TRIM3: variants seen among roughly 807,000 people sequenced by gnomAD.
TRIM3 encodes tripartite motif containing 3, also known as tripartite motif-containing protein 3.
In TRIM3, 13 loss-of-function variants were observed where a neutral mutation model predicts 66.6. The observed-to-expected ratio is 0.20, with a 90% confidence interval of 0.13 to 0.31. The LOEUF is 0.31. TRIM3 is among the 10% of genes least tolerant of loss of function. The probability of loss-of-function intolerance (pLI) is 1.00; values close to 1 mark genes in which losing one functional copy is unlikely to be tolerated. For missense variants in TRIM3, 711 were observed against 1,020.4 expected (o/e 0.70, Z 4.13); for synonymous variants, 406 against 411.7 (o/e 0.99, Z 0.17).
chr11:6,456,979 G>T lies in TRIM3; in HGVS notation c.747C>A (p.Gly249=). 1 of 1,606,352 alleles carries T rather than the reference G, an allele frequency of 6.2e-7. No individual in the cohort carries two copies. Residue 249 remains glycine, a synonymous_variant, in exon 6 of 12, where the codon GGC becomes GGA. Coordinates refer to ENST00000345851, the MANE Select transcript of TRIM3 (RefSeq NM_033278.4). This position sits in a 1 kb window ranked among gnomAD's most constrained non-coding sequence, Gnocchi z 6.4. The part of the protein sequence containing the change: ...DTLRQGQEHI[G]SSCSFAEQAL... ...CCTGCTCTGCAAAGCTGCAGCTACT[G>T]CCGATGTGTTCCTGACCCTGGCGCA...
At chr11:6,464,607 A>C (rs1027839873) in intron 2 of TRIM3, among the ~76,000 whole-genome samples, 10 of 152,186 alleles carry the variant, frequency 6.6e-5, no homozygotes, top group African/African-American at 2.4e-4. Context: ...TGGATACCTT[A>C]AATACCCTAC....
rs1159888041 is a variant in TRIM3 at position 6,458,480 on chromosome 11, GT to G, written c.132-185del. 2.7e-5 allele frequency: 16 copies of G among 591,444 alleles called. No individual in the cohort carries two copies. The highest frequency in any genetic ancestry group is 4.5e-5 in the Non-Finnish European group (15 of 331,940). 36.6% of individuals were successfully genotyped at this position (591,444 alleles called of 1,614,324 possible). On this transcript the variant is annotated intron_variant, in intron 2 of 11. Transcript: ENST00000345851. This position sits in a 1 kb window ranked among gnomAD's most constrained non-coding sequence, Gnocchi z 6.2. ...TAATGGCCTTGCCCCTTACAACTGAGTAGGAACACACCCCGACCCCTCTCAG... is the reference window on the plus strand; with the variant it reads ...TAATGGCCTTGCCCCTTACAACTGAGAGGAACACACCCCGACCCCTCTCAG...
At chr11:6,466,860 G>C (rs561329624) in intron 1 of TRIM3, among the ~76,000 whole-genome samples, 1 of 152,192 alleles carries the variant, frequency 6.6e-6, no homozygotes, top group African/African-American at 2.4e-5. Flanking sequence ...AAGCTATGCT[G>C]TAATGTTCTT....
At chr11:6,472,228 T>G (rs1850711403) in intron 1 of TRIM3, among the ~76,000 whole-genome samples, 1 of 152,172 alleles carries the variant, frequency 6.6e-6, no homozygotes. Flanking sequence ...ATTCCCTTAT[T>G]TGTAAATTGG....
At position 6,469,604 on chromosome 11, in the gene TRIM3, G is replaced by T. The variant is rs147394898; in HGVS notation, c.-37-3872C>A. Among the ~76,000 whole-genome samples the T allele has an allele frequency of 6.7e-4, 102 of 152,186 alleles. 1 individual carries two copies. Among genetic ancestry groups the T allele is most frequent in the African/African-American group, 2.4e-3 (101 of 41,510 alleles). Reference sequence around the variant, plus strand: ...TTGGTTATTCCCACCATACTTTATGGCTTAGTTCTCAAGGCACCTCACTCC... The same window carrying T: ...TTGGTTATTCCCACCATACTTTATGTCTTAGTTCTCAAGGCACCTCACTCC... On this transcript the variant is annotated intron_variant, in intron 1 of 11. Coordinates refer to ENST00000345851, the MANE Select transcript of TRIM3 (RefSeq NM_033278.4).
intron 2 of TRIM3, among the ~76,000 whole-genome samples, chr11:6,459,015 C>T (rs1490826688): frequency 6.6e-6 from 1 of 152,132 alleles, no homozygotes; most frequent in African/African-American, 2.4e-5. Context: ...ACTTGTATTA[C>T]TTATTATTAA....
intron 1 of TRIM3, among the ~76,000 whole-genome samples, chr11:6,466,962 A>T (rs1850497697): frequency 6.6e-6 from 1 of 152,114 alleles, no homozygotes. Flanking sequence ...TTTCATTCTT[A>T]GCACTTAGCA....
Position 6,457,662 on chromosome 11 carries a change from G to GC in TRIM3, c.515+33dup. On this transcript the variant is annotated intron_variant, in intron 4 of 11. Transcript: ENST00000345851. The surrounding 1 kb of genome is among the most constrained non-coding windows in gnomAD (Gnocchi z 4.5). ...CCCGAGCTAAGACACCATCCCTGTGGCCCCACCAGCCCAGGACCCTGCCCA... is the reference window on the plus strand; with the variant it reads ...CCCGAGCTAAGACACCATCCCTGTGGCCCCCACCAGCCCAGGACCCTGCCCA... The GC allele has an allele frequency of 6.3e-7, 1 of 1,595,132 alleles. No individual in the cohort carries two copies. Among genetic ancestry groups the GC allele is most frequent in the Middle Eastern group, 1.7e-4 (1 of 5,768 alleles).
Position 6,457,684 on chromosome 11 carries a change from C to G in TRIM3, c.515+12G>C. On this transcript the variant is annotated intron_variant, in intron 4 of 11. Coordinates refer to ENST00000345851, the MANE Select transcript of TRIM3 (RefSeq NM_033278.4). The surrounding 1 kb of genome is among the most constrained non-coding windows in gnomAD (Gnocchi z 4.5). ...GTGGCCCCACCAGCCCAGGACCCTG[C>G]CCAGTGCCTACCGGCCACGCACAGC... 1 of 1,609,216 alleles carries G rather than the reference C, an allele frequency of 6.2e-7. No homozygotes were observed. The highest frequency in any genetic ancestry group is 8.5e-7 in the Non-Finnish European group (1 of 1,176,830).
intron 2 of TRIM3, among the ~76,000 whole-genome samples, chr11:6,464,332 A>G (rs573870978): frequency 1.3e-4 from 19 of 151,996 alleles, no homozygotes; most frequent in African/African-American, 3.1e-4. Flanking sequence ...AGCTTTTCCA[A>G]TGGTCTTTCT....
Position 6,450,374 on chromosome 11 carries a change from G to A in TRIM3, c.1941+177C>T, listed in dbSNP as rs1444323446. ...GAATACATTTGCTTTGTGCATCACT[G>A]TATCTCCAGCTTCTAGCATACTGCC... On this transcript the variant is annotated intron_variant, in intron 10 of 11. Coordinates refer to ENST00000345851, the MANE Select transcript of TRIM3 (RefSeq NM_033278.4). The surrounding 1 kb of genome is among the most constrained non-coding windows in gnomAD (Gnocchi z 4.8). The A allele has an allele frequency of 2.3e-5, 14 of 620,310 alleles. No homozygotes were observed. The highest frequency in any genetic ancestry group is 2.7e-5 in the Admixed American group (1 of 36,484). The allele number at this position is 620,310 out of a possible 1,614,324, so 38.4% of individuals were successfully genotyped here. A position where few individuals can be genotyped will look rare whatever the true frequency, so the allele number is the denominator to read the frequency against.
In TRIM3 at chr11:6,456,428, C is replaced by T. The variant is rs1198129461; in HGVS notation, c.1298G>A (p.Arg433His). 1.9e-5 allele frequency: 29 copies of T among 1,533,360 alleles called. No individual in the cohort carries two copies. Among genetic ancestry groups the T allele is most frequent in the Non-Finnish European group, 2.4e-5 (27 of 1,138,000 alleles). The allele number at this position is 1,533,360 out of a possible 1,614,324, so 95.0% of individuals were successfully genotyped here. A position where few individuals can be genotyped will look rare whatever the true frequency, so the allele number is the denominator to read the frequency against. ...DLPPSPDDVK[R>H]RVKSPGGPGS... is the part of the protein sequence containing the mutation. ...GGGGCCGCCAGGGGACTTGACACGG[C>T]GCTTCACATCGTCCGGGGAAGGTGG... Residue 433 changes from arginine (R) to histidine (H), a missense_variant, in exon 6 of 12, where the codon CGC becomes CAC. By Grantham distance (29) the Arg-to-His change is conservative. Transcript: ENST00000345851. This position sits in a 1 kb window ranked among gnomAD's most constrained non-coding sequence, Gnocchi z 6.4.
At position 6,456,547 on chromosome 11, in the gene TRIM3, G is replaced by A. The variant is rs774957592; in HGVS notation, c.1179C>T (p.Arg393=). Residue 393 remains arginine (R), a synonymous_variant, in exon 6 of 12, where the codon CGC becomes CGT. Coordinates refer to ENST00000345851, the MANE Select transcript of TRIM3 (RefSeq NM_033278.4). This position sits in a 1 kb window ranked among gnomAD's most constrained non-coding sequence, Gnocchi z 6.4. ...NGTYELVYTA[R]TEGELLLSVL... is the part of the protein sequence containing the mutation. Reference sequence around the variant, plus strand: ...CCGAGAGGAGCAGCTCGCCTTCCGTGCGCGCTGTGTACACTAGCTCATATG... The same window carrying A: ...CCGAGAGGAGCAGCTCGCCTTCCGTACGCGCTGTGTACACTAGCTCATATG... 1.2e-6 allele frequency: 2 copies of A among 1,605,818 alleles called. No individual in the cohort carries two copies. Among genetic ancestry groups the A allele is most frequent in the East Asian group, 2.2e-5 (1 of 44,652 alleles).
intron 2 of TRIM3, among the ~76,000 whole-genome samples, chr11:6,461,305 A>G (rs1850225729): frequency 6.6e-6 from 1 of 152,054 alleles, no homozygotes. Context: ...GGTGGGCTTG[A>G]GCCCTCCCTC....
In TRIM3 at chr11:6,469,463, A is replaced by G. The variant is rs74053398; in HGVS notation, c.-37-3731T>C. ...ACTGTGCTCTAGAGATTTGCCCCCA[A>G]GATCCTATAGGTGGTGGTTCAAGTG... On this transcript the variant is annotated intron_variant, in intron 1 of 11. Transcript: ENST00000345851. Among the ~76,000 whole-genome samples, 578 of 152,326 alleles carry G rather than the reference A, an allele frequency of 3.8e-3. 7 individuals carry two copies. The highest frequency in any genetic ancestry group is 0.013 in the African/African-American group (545 of 41,582).
chr11:6,456,208 A>T lies in TRIM3; in HGVS notation c.1430-33T>A. The T allele has an allele frequency of 6.2e-7, 1 of 1,612,648 alleles. No individual in the cohort carries two copies. Among genetic ancestry groups the T allele is most frequent in the Non-Finnish European group, 8.5e-7 (1 of 1,178,958 alleles). Reference sequence around the variant, plus strand: ...AAGGGACAGGAGGGAAAACAAAATAATTCATTCAGAGGTCATCTTGAACCT... The same window carrying T: ...AAGGGACAGGAGGGAAAACAAAATATTTCATTCAGAGGTCATCTTGAACCT... On this transcript the variant is annotated intron_variant, in intron 6 of 11. Transcript: ENST00000345851. This position sits in a 1 kb window ranked among gnomAD's most constrained non-coding sequence, Gnocchi z 6.4.
intron 1 of TRIM3, among the ~76,000 whole-genome samples, chr11:6,467,785 T>G (rs998199086): frequency 2.6e-5 from 4 of 152,058 alleles, no homozygotes; most frequent in African/African-American, 9.7e-5. Flanking sequence ...AAAAAGTGAT[T>G]TTATCCTAAG....
At position 6,449,635 on chromosome 11, in the gene TRIM3, T is replaced by C; in HGVS notation, c.1942-189A>G. 2.0e-6 allele frequency: 1 copy of C among 505,258 alleles called. No individual in the cohort carries two copies. 31.3% of individuals were successfully genotyped at this position (505,258 alleles called of 1,614,324 possible). ...GTAGACATCTCTTGCTGATGTCCAT[T>C]GGGAATATCAAATCTAACAGCTCAT... is the stretch of plus-strand genomic sequence containing the variant. On this transcript the variant is annotated intron_variant, in intron 10 of 11. Coordinates refer to ENST00000345851, the MANE Select transcript of TRIM3 (RefSeq NM_033278.4). The surrounding 1 kb of genome is among the most constrained non-coding windows in gnomAD (Gnocchi z 5.3).
chr11:6,449,070 A>G lies in TRIM3; in HGVS notation c.2193T>C (p.Asp731=), dbSNP rs1485511384. The G allele has an allele frequency of 3.7e-6, 6 of 1,614,064 alleles. No homozygotes were observed. In the South Asian group the frequency reaches 6.6e-5, roughly 18 times the overall value. ...LTSDGHVVVA[D]AGNHCFKAYR... ...AGGCTTTAAAGCAGTGGTTGCCAGC[A>G]TCAGCCACCACCACATGGCCATCCG... Residue 731 remains aspartate (D), a synonymous_variant, in exon 12 of 12, where the codon GAT becomes GAC. Transcript: ENST00000345851. This position sits in a 1 kb window ranked among gnomAD's most constrained non-coding sequence, Gnocchi z 5.3.
Sources: allele counts gnomAD v4.1 joint callset (sites outside exome capture counted in the v4.1 genomes callset), GRCh38; gene constraint gnomAD v4.1.1; non-coding constraint Gnocchi (gnomAD v3.1); transcripts MANE v1.5; gene names NCBI Gene and HGNC (gene_info 2026-07-23, HGNC 2026-07-21).